The following ERC1 variants were observed in gnomAD, a reference collection of about 807,000 sequenced individuals.
ERC1 encodes the protein ELKS/RAB6-interacting/CAST family member 1.
In ERC1, 56 loss-of-function variants were observed where a neutral mutation model predicts 132.0. That is an observed-to-expected ratio of 0.42 (90% CI 0.34 to 0.53). The LOEUF (loss-of-function observed/expected upper bound fraction) is 0.53. Ranked by LOEUF, ERC1 falls within the 20% of genes least tolerant of loss-of-function variation. ERC1 has a pLI of 0.03. For missense variants in ERC1, 1,202 were observed against 1,349.9 expected (o/e 0.89, Z 1.72); for synonymous variants, 478 against 476.1 (o/e 1.00, Z -0.05).
intron 13 of ERC1, among the ~76,000 whole-genome samples, chr12:1,241,854 T>C (rs1418097493): frequency 6.1e-4 from 51 of 83,344 alleles, no homozygotes; most frequent in African/African-American, 1.7e-3. Context: ...CTTCTTTTTT[T>C]TTTTTTTTTT....
chr12:1,333,032 G>A (rs545222148), intron 15 of ERC1, among the ~76,000 whole-genome samples: 3 of 135,416 alleles, frequency 2.2e-5, no homozygotes, highest in East Asian at 2.2e-4. Context: ...CCTGATCCTC[G>A]TCCTGATCCT....
intron 18 of ERC1, among the ~76,000 whole-genome samples, chr12:1,449,527 G>A (rs1009119548): frequency 6.6e-6 from 1 of 152,030 alleles, no homozygotes; most frequent in Non-Finnish European, 1.5e-5. Context: ...GGTCCTTTCC[G>A]CCTTTGCCTG....
chr12:1,377,853 A>G (rs1017943292), intron 16 of ERC1, among the ~76,000 whole-genome samples: 1 of 152,182 alleles, frequency 6.6e-6, no homozygotes, highest in Non-Finnish European at 1.5e-5. Flanking sequence ...AGTCTTGTTT[A>G]TAGTACAAAG....
At chr12:1,198,755 C>T (rs1304510232) in intron 12 of ERC1, among the ~76,000 whole-genome samples, 2 of 152,014 alleles carry the variant, frequency 1.3e-5, no homozygotes, top group African/African-American at 2.4e-5. Flanking sequence ...GAAGCAGGCA[C>T]ATTTACATGG....
chr12:1,110,500 C>A (rs1413112928), intron 5 of ERC1, among the ~76,000 whole-genome samples, 153 bp downstream of exon 5: 1 of 152,142 alleles, frequency 6.6e-6, no homozygotes, highest in East Asian at 1.9e-4. Flanking sequence ...AATGAAACTT[C>A]TCCAGAATTA....
At chr12:1,437,469 G>A (rs1043366757) in intron 17 of ERC1, among the ~76,000 whole-genome samples, 8 of 152,174 alleles carry the variant, frequency 5.3e-5, no homozygotes, top group African/African-American at 1.9e-4. Flanking sequence ...AGCACATGGA[G>A]AGACACATAG....
chr12:1,495,863 C>T lies in ERC1; in HGVS notation c.*5633C>T, dbSNP rs544187197. The T allele has an allele frequency of 1.0e-5, 2 of 196,162 alleles. No homozygotes were observed. The highest frequency in any genetic ancestry group is 8.0e-5 in the East Asian group (1 of 12,462). The allele number at this position is 196,162 out of a possible 1,614,324, so 12.2% of individuals were successfully genotyped here. A position where few individuals can be genotyped will look rare whatever the true frequency, so the allele number is the denominator to read the frequency against. Reference sequence around the variant, plus strand: ...TTTGCCTTGATAATTATTGTAAACACTTTGTTCATTTTTTCTTTTTTATTC... The same window carrying T: ...TTTGCCTTGATAATTATTGTAAACATTTTGTTCATTTTTTCTTTTTTATTC... On this transcript the variant is annotated 3_prime_UTR_variant, in exon 19 of 19. Coordinates refer to ENST00000360905, the MANE Select transcript of ERC1 (RefSeq NM_178040.4).
intron 2 of ERC1, among the ~76,000 whole-genome samples, chr12:1,045,812 T>C (rs1339541205): frequency 6.6e-6 from 1 of 152,110 alleles, no homozygotes; most frequent in Non-Finnish European, 1.5e-5. Flanking sequence ...TGTGTTTTGT[T>C]GGAGGAGGAA....
At chr12:1,356,946 G>A (rs9668403) in intron 15 of ERC1, among the ~76,000 whole-genome samples, 10,119 of 152,166 alleles carry the variant, frequency 0.066, 612 homozygotes, top group African/African-American at 0.15. Context: ...ATAAATTACC[G>A]GGTTTGTTTT....
At chr12:1,194,470 C>T (rs766035527) in intron 12 of ERC1, among the ~76,000 whole-genome samples, 4 of 151,970 alleles carry the variant, frequency 2.6e-5, no homozygotes, top group African/African-American at 7.3e-5. Flanking sequence ...TACTTAGAAG[C>T]GTACTGGAGG....
chr12:1,019,452 C>T (rs148576089), intron 1 of ERC1, among the ~76,000 whole-genome samples: 3 of 152,282 alleles, frequency 2.0e-5, no homozygotes, highest in African/African-American at 7.2e-5. Flanking sequence ...TGAGAATACA[C>T]AAGCACACAT....
intron 15 of ERC1, among the ~76,000 whole-genome samples, chr12:1,302,432 C>G (rs1295593152): frequency 2.0e-5 from 3 of 152,132 alleles, no homozygotes; most frequent in Non-Finnish European, 4.4e-5. Context: ...AAAGAGATAA[C>G]AATGTCTATA....
chr12:1,433,566 A>G (rs139034303), intron 17 of ERC1, among the ~76,000 whole-genome samples: 260 of 152,328 alleles, frequency 1.7e-3, no homozygotes, highest in African/African-American at 5.3e-3. Flanking sequence ...ATTCCTTGAA[A>G]TGCTGCATCT....
intron 2 of ERC1, among the ~76,000 whole-genome samples, chr12:1,073,972 C>G (rs979131149): frequency 5.0e-5 from 7 of 140,818 alleles, no homozygotes; most frequent in African/African-American, 1.8e-4. Context: ...ATAAGCGATT[C>G]TCCTGCCTTA....
intron 18 of ERC1, among the ~76,000 whole-genome samples, chr12:1,485,868 A>G (rs1484152748): frequency 6.6e-6 from 1 of 152,250 alleles, no homozygotes; most frequent in Non-Finnish European, 1.5e-5. Context: ...CCATCCCAAG[A>G]TTATAAAAAA....
chr12:1,457,451 A>G (rs999649467), intron 18 of ERC1, among the ~76,000 whole-genome samples: 2 of 152,182 alleles, frequency 1.3e-5, no homozygotes, highest in East Asian at 3.8e-4. Flanking sequence ...TTTAAGAAAC[A>G]TCTCAGCAAT....
chr12:1,184,894 A>C (rs950488947), intron 11 of ERC1, among the ~76,000 whole-genome samples: 1 of 152,108 alleles, frequency 6.6e-6, no homozygotes, highest in Non-Finnish European at 1.5e-5. Context: ...CTGGGACTAC[A>C]GACCCATGCC....
intron 7 of ERC1, among the ~76,000 whole-genome samples, chr12:1,126,996 A>AAAAAAAAAAAC: frequency 6.9e-5 from 2 of 29,088 alleles, no homozygotes; most frequent in Non-Finnish European, 2.5e-4. Context: ...CAAAAAAAAA[A>AAAAAAAAAAAC]AAAAAAAAAA....
chr12:1,321,718 A>G (rs1381221438), intron 15 of ERC1, among the ~76,000 whole-genome samples: 2 of 152,158 alleles, frequency 1.3e-5, no homozygotes, highest in African/African-American at 2.4e-5. Flanking sequence ...TATAAAACCA[A>G]TGTTTGGCTT....
Sources: gnomAD v4.1 joint callset for allele counts (sites outside exome capture counted in the v4.1 genomes callset) on GRCh38, gnomAD v4.1.1 for gene constraint, MANE v1.5 for transcripts, NCBI Gene and HGNC (gene_info 2026-07-23, HGNC 2026-07-21) for gene names.